TNIP3: variants seen among roughly 807,000 people sequenced by gnomAD.
TNIP3 encodes TNFAIP3 interacting protein 3.
TNIP3 carries 34 observed loss-of-function variants against 54.1 expected under a neutral mutation model. The observed-to-expected ratio is 0.63, with a 90% confidence interval of 0.48 to 0.84. The LOEUF is 0.84. Ranked by LOEUF, TNIP3 falls within the 40% of genes least tolerant of loss-of-function variation. The pLI is 0.00. For synonymous variants in TNIP3, 134 were observed against 136.8 expected (o/e 0.98, Z 0.14); for missense variants, 366 against 387.6 (o/e 0.94, Z 0.47).
intron 1 of TNIP3, among the ~76,000 whole-genome samples, chr4:121,222,623 G>A (rs1727074991): frequency 6.6e-6 from 1 of 152,150 alleles, no homozygotes; most frequent in South Asian, 2.1e-4. Context: ...ATGGCAGATA[G>A]TAAGCTCCAA....
At chr4:121,144,503 G>A (rs1176216211) in intron 7 of TNIP3, among the ~76,000 whole-genome samples, 1 of 152,174 alleles carries the variant, frequency 6.6e-6, no homozygotes, top group Admixed American at 6.5e-5. Context: ...CTGGGTTCAA[G>A]TGATTCTCCT....
chr4:121,157,035 C>T (rs878868632), intron 4 of TNIP3, 59 bp downstream of exon 4: 80 of 1,603,040 alleles, frequency 5.0e-5, no homozygotes, highest in Middle Eastern at 1.9e-4. Flanking sequence ...ACAGGAAATC[C>T]CCCCGCCCCT....
At chr4:121,144,400 T>TG (rs1465908455) in intron 7 of TNIP3, among the ~76,000 whole-genome samples, 8 of 152,296 alleles carry the variant, frequency 5.3e-5, no homozygotes, top group South Asian at 4.2e-4. Context: ...AGCGTTTTTT[T>TG]GTTTTTTTCT....
intron 2 of TNIP3, among the ~76,000 whole-genome samples, chr4:121,191,926 T>C (rs1484076444): frequency 1.3e-5 from 2 of 152,206 alleles, no homozygotes; most frequent in East Asian, 3.8e-4. Context: ...AAGGTGGTGA[T>C]AAGGACATAA....
intron 2 of TNIP3, among the ~76,000 whole-genome samples, chr4:121,159,847 C>T (rs1416668827): frequency 6.6e-6 from 1 of 152,168 alleles, no homozygotes; most frequent in Non-Finnish European, 1.5e-5. Context: ...CAACGCTTAT[C>T]TATAGGGAAC....
chr4:121,138,011 A>T (rs1377107247), intron 10 of TNIP3: 1 of 453,988 alleles, frequency 2.2e-6, no homozygotes, highest in Middle Eastern at 3.3e-4. Flanking sequence ...AAAGTATAGC[A>T]GATTCTAGAA....
chr4:121,208,934 T>G (rs1726327961), intron 2 of TNIP3, among the ~76,000 whole-genome samples: 1 of 152,198 alleles, frequency 6.6e-6, no homozygotes, highest in Non-Finnish European at 1.5e-5. Flanking sequence ...GTAAGAACTT[T>G]CAGCTCCATT....
intron 3 of TNIP3, among the ~76,000 whole-genome samples, chr4:121,179,385 A>G (rs1724550385): frequency 6.6e-6 from 1 of 152,242 alleles, no homozygotes; most frequent in African/African-American, 2.4e-5. Flanking sequence ...TAGGTAGAAA[A>G]CAAAATAAAA....
intron 6 of TNIP3, among the ~76,000 whole-genome samples, chr4:121,148,006 G>A (rs1294409578): frequency 6.6e-6 from 1 of 152,202 alleles, no homozygotes; most frequent in Non-Finnish European, 1.5e-5. Flanking sequence ...CAGAAGCACT[G>A]AAGGGAAACT....
chr4:121,195,054 G>T (rs966968912), intron 2 of TNIP3, among the ~76,000 whole-genome samples: 2 of 148,824 alleles, frequency 1.3e-5, no homozygotes, highest in African/African-American at 5.2e-5. Flanking sequence ...TGTAATCCCA[G>T]CTACTCAGGA....
chr4:121,138,597 G>A (rs372304672), intron 10 of TNIP3, 27 bp downstream of exon 10: 1 of 1,606,550 alleles, frequency 6.2e-7, no homozygotes. Context: ...AAACATGAAA[G>A]AATGCTCAAT....
chr4:121,173,255 G>T (rs1246881402), intron 3 of TNIP3, among the ~76,000 whole-genome samples: 1 of 152,206 alleles, frequency 6.6e-6, no homozygotes, highest in African/African-American at 2.4e-5. Flanking sequence ...AGTTTTATGG[G>T]AATTAAGCGT....
At chr4:121,206,272 A>G (rs1047052584) in intron 2 of TNIP3, among the ~76,000 whole-genome samples, 5 of 152,164 alleles carry the variant, frequency 3.3e-5, no homozygotes, top group Non-Finnish European at 7.3e-5. Flanking sequence ...GATTAGGTAG[A>G]TGAATACACA....
At chr4:121,144,393 G>A (rs1476800679) in intron 7 of TNIP3, among the ~76,000 whole-genome samples, 3 of 151,826 alleles carry the variant, frequency 2.0e-5, no homozygotes, top group Non-Finnish European at 2.9e-5. Flanking sequence ...TTTCTAAAGC[G>A]TTTTTTTGTT....
upstream of TNIP3, among the ~76,000 whole-genome samples, chr4:121,217,837 A>G (rs1216628495): frequency 6.6e-6 from 1 of 152,198 alleles, no homozygotes; most frequent in Admixed American, 6.5e-5. Flanking sequence ...TTAAAATGCT[A>G]ATTTCCAAGC....
At position 121,204,665 on chromosome 4, in the gene TNIP3, T is replaced by A. The variant is rs563087208; in HGVS notation, c.68+11750A>T. Among the ~76,000 whole-genome samples the A allele has an allele frequency of 5.3e-4, 80 of 152,322 alleles. 1 individual carries two copies. In the South Asian group the frequency reaches 0.017, roughly 32 times the overall value. On this transcript the variant is annotated intron_variant, in intron 2 of 12. Coordinates refer to the TNIP3 transcript ENST00000507879. ...CACTACAATCAATGCACAATAGAAA[T>A]ACCTGTCTAGATATATTCTTACATA...
chr4:121,142,376 G>A (rs972346156), intron 8 of TNIP3, among the ~76,000 whole-genome samples: 24 of 152,174 alleles, frequency 1.6e-4, no homozygotes, highest in African/African-American at 5.8e-4. Flanking sequence ...AAGAAGGCAT[G>A]TTATTTTTTC....
intron 9 of TNIP3, among the ~76,000 whole-genome samples, chr4:121,139,484 C>T (rs1389453658): frequency 2.6e-5 from 4 of 152,202 alleles, no homozygotes; most frequent in Non-Finnish European, 5.9e-5. Flanking sequence ...TCTGAATGCT[C>T]ACCCCTGCCT....
intron 9 of TNIP3, among the ~76,000 whole-genome samples, chr4:121,139,520 A>G (rs1182265787): frequency 2.6e-5 from 4 of 152,184 alleles, no homozygotes; most frequent in Non-Finnish European, 5.9e-5. Flanking sequence ...GACACAGAGA[A>G]TATAGATTTT....
Sources: gnomAD v4.1 joint callset for allele counts (sites outside exome capture counted in the v4.1 genomes callset) on GRCh38, gnomAD v4.1.1 for gene constraint, MANE v1.5 for transcripts, NCBI Gene and HGNC (gene_info 2026-07-23, HGNC 2026-07-21) for gene names.